Variants in AK6 observed in about 807,000 individuals in gnomAD.
The protein encoded by AK6 is adenylate kinase 6, also known as adenylate kinase isoenzyme 6.
Under a neutral mutation model 23.7 loss-of-function variants are expected in AK6, and 24 were observed. The ratio of observed to expected loss-of-function variants is 1.01; its 90% confidence interval spans 0.73 to 1.43. AK6 has a LOEUF of 1.43. Among genes scored for constraint, AK6 ranks in the 40% most tolerant of loss-of-function variants. The pLI is 0.00. For synonymous variants in AK6, 73 were observed against 69.8 expected, an observed-to-expected ratio of 1.05 and a Z score of -0.23; for missense variants, 191 against 199.1, an observed-to-expected ratio of 0.96 and a Z score of 0.24.
chr5:69,357,721 T>C (rs1168695319), intron 2 of AK6, among the ~76,000 whole-genome samples: 1 of 152,204 alleles, frequency 6.6e-6, no homozygotes, highest in African/African-American at 2.4e-5. Context: ...AAAATGAGTC[T>C]ATATTTATGC....
At chr5:69,368,162 T>C (rs1762576751) in intron 1 of AK6, among the ~76,000 whole-genome samples, 1 of 152,180 alleles carries the variant, frequency 6.6e-6, no homozygotes, top group Admixed American at 6.5e-5. Flanking sequence ...TAAATGTACA[T>C]ATATGTACAT....
At chr5:69,364,537 G>C (rs1430408222) in intron 2 of AK6, among the ~76,000 whole-genome samples, 2 of 152,144 alleles carry the variant, frequency 1.3e-5, no homozygotes, top group African/African-American at 4.8e-5. Context: ...TTATACTTCA[G>C]CAATCTGAGA....
At chr5:69,363,601 G>A (rs1023207361) in intron 2 of AK6, among the ~76,000 whole-genome samples, 20 of 151,746 alleles carry the variant, frequency 1.3e-4, no homozygotes, top group Non-Finnish European at 5.9e-5. Flanking sequence ...TGGTTAACAC[G>A]GTGAAACCCC....
At chr5:69,361,487 G>A (rs2150734873) in intron 2 of AK6, among the ~76,000 whole-genome samples, 1 of 151,904 alleles carries the variant, frequency 6.6e-6, no homozygotes, top group South Asian at 2.1e-4. Flanking sequence ...CACCCAGACT[G>A]GAGTACAGTG....
At chr5:69,355,419 TAGTC>T (rs899804988) in intron 4 of AK6, 4 of 450,730 alleles carry the variant, frequency 8.9e-6, no homozygotes, top group African/African-American at 6.1e-5. Context: ...CGTGGTCTGT[TAGTC>T]AGGAGGCTGA....
intron 1 of AK6, among the ~76,000 whole-genome samples, chr5:69,368,662 AAG>A (rs1403674319): frequency 4.6e-5 from 7 of 152,234 alleles, no homozygotes; most frequent in African/African-American, 1.7e-4. Context: ...TGTTCCCACA[AAG>A]AGTCTTAATT....
At chr5:69,361,350 T>C (rs376625347) in intron 2 of AK6, among the ~76,000 whole-genome samples, 6 of 152,004 alleles carry the variant, frequency 3.9e-5, no homozygotes, top group African/African-American at 1.4e-4. Flanking sequence ...CTCAATCTCC[T>C]GACCTCGTGA....
At chr5:69,364,216 A>AAT (rs934190508) in intron 2 of AK6, among the ~76,000 whole-genome samples, 127 of 150,504 alleles carry the variant, frequency 8.4e-4, no homozygotes, top group Non-Finnish European at 1.3e-3. Flanking sequence ...AATTAAAAAA[A>AAT]ATATATATAT....
intron 2 of AK6, among the ~76,000 whole-genome samples, chr5:69,364,441 C>A (rs942745115): frequency 3.3e-5 from 5 of 151,838 alleles, no homozygotes; most frequent in Non-Finnish European, 7.4e-5. Flanking sequence ...GGAAGTTGGG[C>A]AATTGAGGAA....
chr5:69,366,998 A>G (rs1762458648), intron 1 of AK6, among the ~76,000 whole-genome samples: 2 of 152,042 alleles, frequency 1.3e-5, no homozygotes, highest in South Asian at 4.2e-4. Context: ...ACCTCAGGTG[A>G]TCTGCCAGCC....
At chr5:69,369,262 G>T (rs1181483070) in intron 1 of AK6, 2 of 97,176 alleles carry the variant, frequency 2.1e-5, no homozygotes, top group African/African-American at 4.8e-5. Flanking sequence ...TCAGGCCAAC[G>T]GAATTAACGT....
intron 2 of AK6, among the ~76,000 whole-genome samples, chr5:69,359,741 A>G (rs905259943): frequency 1.3e-5 from 2 of 152,322 alleles, no homozygotes; most frequent in South Asian, 2.1e-4. Flanking sequence ...TTTTATTTTC[A>G]TATTTCTTCT....
intron 1 of AK6, 171 bp downstream of exon 1, chr5:69,369,292 C>T (rs1762730655): frequency 1.7e-6 from 1 of 594,362 alleles, no homozygotes; most frequent in Non-Finnish European, 2.7e-6. Context: ...CCTCCCTCGC[C>T]TCCCGCAACG....
chr5:69,364,958 GTCATCA>G (rs138635374), intron 2 of AK6: 18 of 1,610,800 alleles, frequency 1.1e-5, no homozygotes, highest in East Asian at 1.1e-4. Context: ...GATTATCATA[GTCATCA>G]TCATCATCAT....
At chr5:69,362,992 G>A (rs1261718979) in intron 2 of AK6, among the ~76,000 whole-genome samples, 3 of 152,072 alleles carry the variant, frequency 2.0e-5, no homozygotes, top group African/African-American at 7.2e-5. Context: ...CACTTTGGGA[G>A]GCTAAGGCAG....
intron 2 of AK6, among the ~76,000 whole-genome samples, chr5:69,363,494 G>C (rs1408832963): frequency 1.3e-5 from 2 of 152,178 alleles, no homozygotes; most frequent in South Asian, 2.1e-4. Context: ...ATATAAAACA[G>C]AAAGGCCGGG....
At chr5:69,366,342 G>T in intron 2 of AK6, 161 bp downstream of exon 2, 1 of 177,526 alleles carries the variant, frequency 5.6e-6, no homozygotes, top group South Asian at 1.9e-4. Context: ...CCAGGACATA[G>T]CATTAGACAC....
upstream of AK6, chr5:69,369,614 C>A (rs1453385095): frequency 6.3e-7 from 1 of 1,578,300 alleles, no homozygotes; most frequent in African/African-American, 1.4e-5. Flanking sequence ...CACCGCGGCG[C>A]CCCTAGCCTG....
In AK6 at chr5:69,366,518, C is replaced by T. The variant is rs1181300158; in HGVS notation, c.106G>A (p.Asp36Asn). 6 of 1,613,734 alleles carry T rather than the reference C, an allele frequency of 3.7e-6. No homozygotes were observed. The highest frequency in any genetic ancestry group is 5.1e-6 in the Non-Finnish European group (6 of 1,179,890). ...KSGLKYINVGDLAREEQLYDG... is the reference protein window; with the variant it reads ...KSGLKYINVGNLAREEQLYDG... The stretch of plus-strand genomic sequence containing the variant: ...TGTCCCTTACCTTCTCGAGCTAAAT[C>T]ACCCACATTAATGTATTTCAGTCCT... Residue 36 changes from aspartate to asparagine, a missense_variant, in exon 2 of 5, where the codon GAT (aspartate) becomes AAT (asparagine). Coordinates refer to ENST00000380822, the MANE Select transcript of AK6 (RefSeq NM_016283.5).
Sources: allele counts gnomAD v4.1 joint callset (sites outside exome capture counted in the v4.1 genomes callset), GRCh38; gene constraint gnomAD v4.1.1; transcripts MANE v1.5; gene names NCBI Gene and HGNC (gene_info 2026-07-23, HGNC 2026-07-21).